The following ENTREP2 variants were observed in gnomAD, a reference collection of about 807,000 sequenced individuals.
ENTREP2 encodes the protein endosomal transmembrane epsin interactor 2.
At chr15:29,307,447 T>C in the ENTREP2 span, among the ~76,000 whole-genome samples, 1 of 152,356 alleles carries the variant, frequency 6.6e-6, no homozygotes, top group Non-Finnish European at 1.5e-5. Flanking sequence ...ATCCTTCCCA[T>C]TGGTGTTTAC....
the ENTREP2 span, among the ~76,000 whole-genome samples, chr15:29,615,159 CTTT>C: frequency 2.1e-5 from 3 of 142,284 alleles, no homozygotes; most frequent in Non-Finnish European, 3.1e-5. Context: ...ATTTTTTTTT[CTTT>C]TTTTTTTTTT....
chr15:29,235,841 G>A, the ENTREP2 span, among the ~76,000 whole-genome samples: 10 of 152,194 alleles, frequency 6.6e-5, no homozygotes, highest in South Asian at 2.1e-3. Context: ...GCGGGTGCCT[G>A]TAATACCAGC....
the ENTREP2 span, among the ~76,000 whole-genome samples, chr15:29,409,905 G>A: frequency 2.0e-5 from 3 of 152,100 alleles, no homozygotes; most frequent in Non-Finnish European, 2.9e-5. Flanking sequence ...ACATCTTCAC[G>A]AGACTCCTGT....
the ENTREP2 span, among the ~76,000 whole-genome samples, chr15:29,278,306 C>T: frequency 6.6e-6 from 1 of 152,342 alleles, no homozygotes; most frequent in East Asian, 1.9e-4. Flanking sequence ...AGGGCTTGCC[C>T]CTTCCCAAGG....
the ENTREP2 span, among the ~76,000 whole-genome samples, chr15:29,630,274 C>T: frequency 2.0e-5 from 3 of 152,078 alleles, no homozygotes; most frequent in Non-Finnish European, 4.4e-5. Flanking sequence ...TTTTTCAGCC[C>T]TTGAAAAATG....
chr15:29,268,760 C>A, the ENTREP2 span: 1 of 1,570,760 alleles, frequency 6.4e-7, no homozygotes, highest in African/African-American at 1.4e-5. Context: ...GTCTCAGACC[C>A]TTGTCCCGGG....
At chr15:29,507,394 G>A in the ENTREP2 span, among the ~76,000 whole-genome samples, 2 of 152,124 alleles carry the variant, frequency 1.3e-5, no homozygotes, top group African/African-American at 4.8e-5. Flanking sequence ...ACTCAGCTCT[G>A]CACCAAGCAG....
chr15:29,336,404 C>G, the ENTREP2 span, among the ~76,000 whole-genome samples: 1,450 of 151,954 alleles, frequency 9.5e-3, 11 homozygotes, highest in East Asian at 0.036. Flanking sequence ...CTTGATCTCC[C>G]AGGCTCAAAC....
the ENTREP2 span, among the ~76,000 whole-genome samples, chr15:29,478,365 T>G: frequency 2.0e-5 from 3 of 152,258 alleles, no homozygotes; most frequent in Non-Finnish European, 1.5e-5. Context: ...ATTAAAAATA[T>G]TATCCTTTCA....
the ENTREP2 span, among the ~76,000 whole-genome samples, chr15:29,192,555 G>T: frequency 6.6e-6 from 1 of 152,188 alleles, no homozygotes; most frequent in Non-Finnish European, 1.5e-5. Context: ...TCCAAGGAGA[G>T]ACATGAGCAC....
chr15:29,570,246 GGCT>G, the ENTREP2 span, among the ~76,000 whole-genome samples: 2 of 151,550 alleles, frequency 1.3e-5, no homozygotes, highest in East Asian at 3.9e-4. Context: ...GCGGGCGCCT[GGCT>G]GCTGTTTCCT....
the ENTREP2 span, among the ~76,000 whole-genome samples, chr15:29,522,150 T>A: frequency 1.3e-5 from 2 of 152,102 alleles, no homozygotes; most frequent in African/African-American, 2.4e-5. Flanking sequence ...ATCACAGACA[T>A]AAATGTAAAA....
the ENTREP2 span, among the ~76,000 whole-genome samples, chr15:29,287,574 G>T: frequency 4.6e-5 from 7 of 152,110 alleles, no homozygotes; most frequent in African/African-American, 1.2e-4. Flanking sequence ...TCTAATGAGA[G>T]ATATGCAGTG....
the ENTREP2 span, among the ~76,000 whole-genome samples, chr15:29,571,035 TGCTGCCGTACCGGGCGCGAGCC>T: frequency 3.8e-4 from 56 of 146,022 alleles, no homozygotes; most frequent in Non-Finnish European, 6.4e-4. Flanking sequence ...CCGCCGCCGC[TGCTGCCGTACCGGGCGCGAGCC>T]GCTGCCGTCC....
At chr15:29,504,392 A>AG in the ENTREP2 span, among the ~76,000 whole-genome samples, 1,718 of 152,344 alleles carry the variant, frequency 0.011, 30 homozygotes, top group African/African-American at 0.039. Flanking sequence ...ATGACATCAC[A>AG]GTTAAAACCA....
the ENTREP2 span, among the ~76,000 whole-genome samples, chr15:29,474,573 G>A: frequency 5.9e-4 from 90 of 151,854 alleles, 1 homozygote; most frequent in South Asian, 0.018. Flanking sequence ...TTTTCCTTTG[G>A]AGACAGGGTC....
the ENTREP2 span, among the ~76,000 whole-genome samples, chr15:29,533,192 G>A: frequency 6.6e-6 from 1 of 152,288 alleles, no homozygotes; most frequent in Non-Finnish European, 1.5e-5. Flanking sequence ...CGCCCAGCAG[G>A]TCTGACGAGG....
At chr15:29,650,199 A>G in the ENTREP2 span, among the ~76,000 whole-genome samples, 1 of 152,122 alleles carries the variant, frequency 6.6e-6, no homozygotes, top group Non-Finnish European at 1.5e-5. Context: ...AAGTTAGACA[A>G]TGGTTTTTCC....
chr15:29,546,832 A>G, the ENTREP2 span, among the ~76,000 whole-genome samples: 1 of 150,482 alleles, frequency 6.6e-6, no homozygotes, highest in Admixed American at 6.6e-5. Context: ...ACTTGCAGTG[A>G]GCCAAGATCA....
Sources: allele counts gnomAD v4.1 joint callset (sites outside exome capture counted in the v4.1 genomes callset), GRCh38; gene constraint gnomAD v4.1.1; transcripts MANE v1.5; gene names NCBI Gene and HGNC (gene_info 2026-07-23, HGNC 2026-07-21).